The following ZC4H2 variants were observed in gnomAD, a reference collection of about 807,000 sequenced individuals.
ZC4H2 encodes the protein zinc finger C4H2 domain-containing protein.
For missense variants in ZC4H2, 137 were observed against 173.9 expected, an observed-to-expected ratio of 0.79 and a Z score of 1.19; for synonymous variants, 84 against 66.3, an observed-to-expected ratio of 1.27 and a Z score of -1.30.
chrX:64,955,260 T>C (rs1316330371), intron 1 of ZC4H2, among the ~76,000 whole-genome samples: 1 of 111,838 alleles, frequency 8.9e-6, no homozygotes, highest in African/African-American at 3.2e-5. Context: ...TTCATTCAGT[T>C]GTCATTTTCA....
At chrX:64,993,199 G>C (rs1465243376) in intron 1 of ZC4H2, among the ~76,000 whole-genome samples, 2 of 112,101 alleles carry the variant, frequency 1.8e-5, no homozygotes, top group Admixed American at 9.4e-5. Context: ...TTTATATAAA[G>C]TTCAAATTTA....
At chrX:64,975,902 G>T (rs1931931418) in intron 1 of ZC4H2, among the ~76,000 whole-genome samples, 1 of 111,285 alleles carries the variant, frequency 9.0e-6, no homozygotes, top group Non-Finnish European at 1.9e-5. Context: ...CACCAGCCCC[G>T]ATGCGCTAGA....
chrX:65,023,398 A>C (rs1181505071), intron 1 of ZC4H2, among the ~76,000 whole-genome samples: 2 of 111,780 alleles, frequency 1.8e-5, no homozygotes, highest in Non-Finnish European at 3.8e-5. Context: ...ACTATGTTAA[A>C]TAGGAGTGGT....
At chrX:65,026,881 AT>A (rs1932885066) in intron 1 of ZC4H2, among the ~76,000 whole-genome samples, 1 of 111,952 alleles carries the variant, frequency 8.9e-6, no homozygotes, top group Non-Finnish European at 1.9e-5. Context: ...CTCATCTTTT[AT>A]AGCAGACCAG....
At chrX:64,927,015 C>T (rs1214829885) in intron 1 of ZC4H2, among the ~76,000 whole-genome samples, 1 of 111,802 alleles carries the variant, frequency 8.9e-6, no homozygotes, top group African/African-American at 3.3e-5. Context: ...AGTATTTCCG[C>T]AGACATGTGG....
At chrX:64,952,960 G>C (rs1183645309) in intron 1 of ZC4H2, among the ~76,000 whole-genome samples, 1 of 111,601 alleles carries the variant, frequency 9.0e-6, no homozygotes, top group East Asian at 2.8e-4. Context: ...CATGGTACTG[G>C]TACCAAAACA....
At chrX:64,962,071 C>A (rs2147404786) in intron 1 of ZC4H2, among the ~76,000 whole-genome samples, 1 of 111,554 alleles carries the variant, frequency 9.0e-6, no homozygotes, top group African/African-American at 3.2e-5. Context: ...ATGAGCCTAG[C>A]ACTACCCTAA....
intron 1 of ZC4H2, among the ~76,000 whole-genome samples, chrX:65,003,571 T>C (rs765423178): frequency 5.4e-5 from 6 of 110,922 alleles, no homozygotes; most frequent in Non-Finnish European, 1.1e-4. Context: ...AAGAATGAAA[T>C]AGACATGATA....
chrX:64,930,107 CTTA>C (rs777552998), intron 1 of ZC4H2, among the ~76,000 whole-genome samples: 6 of 110,344 alleles, frequency 5.4e-5, no homozygotes, highest in African/African-American at 2.0e-4. Context: ...TTCTAAATAT[CTTA>C]TTATTATTAT....
At chrX:65,003,616 G>A (rs1208840271) in intron 1 of ZC4H2, among the ~76,000 whole-genome samples, 2 of 111,534 alleles carry the variant, frequency 1.8e-5, no homozygotes, top group Admixed American at 9.5e-5. Context: ...GGTGGCTCAT[G>A]CCTGTAATCC....
chrX:64,961,636 G>T (rs928217911), intron 1 of ZC4H2, among the ~76,000 whole-genome samples: 25 of 103,661 alleles, frequency 2.4e-4, no homozygotes, highest in Non-Finnish European at 5.0e-4. Context: ...CAACTAAGAG[G>T]GTTTTTTTTG....
At chrX:64,988,183 C>T (rs991559827) in intron 1 of ZC4H2, among the ~76,000 whole-genome samples, 3 of 109,967 alleles carry the variant, frequency 2.7e-5, no homozygotes, top group African/African-American at 6.6e-5. Context: ...TGAATAGTGC[C>T]GCAATAAACA....
chrX:64,990,404 A>G (rs780633128), intron 1 of ZC4H2, among the ~76,000 whole-genome samples: 12 of 111,116 alleles, frequency 1.1e-4, no homozygotes, highest in African/African-American at 3.9e-4. Flanking sequence ...AAAGGGCAAT[A>G]TGAGGGTTCC....
At chrX:64,945,006 T>C in intron 1 of ZC4H2, among the ~76,000 whole-genome samples, 1 of 112,578 alleles carries the variant, frequency 8.9e-6, no homozygotes, top group Non-Finnish European at 1.9e-5. Flanking sequence ...CTTAGCTTCC[T>C]TGCATTGGGT....
At chrX:64,972,230 C>T (rs756085828) in intron 1 of ZC4H2, among the ~76,000 whole-genome samples, 1 of 111,286 alleles carries the variant, frequency 9.0e-6, no homozygotes, top group African/African-American at 3.3e-5. Flanking sequence ...GGAGGAAAGA[C>T]AGGGGTAGGC....
At chrX:65,002,745 T>C (rs1281263544) in intron 1 of ZC4H2, among the ~76,000 whole-genome samples, 13 of 110,445 alleles carry the variant, frequency 1.2e-4, no homozygotes, top group African/African-American at 4.3e-4. Flanking sequence ...ATGCTGTTGA[T>C]CTATGACCTT....
intron 1 of ZC4H2, among the ~76,000 whole-genome samples, chrX:64,984,272 C>A (rs1210495520): frequency 8.9e-6 from 1 of 111,956 alleles, no homozygotes; most frequent in Non-Finnish European, 1.9e-5. Flanking sequence ...CCCAGAAAAG[C>A]CAATGCATTG....
intron 1 of ZC4H2, among the ~76,000 whole-genome samples, chrX:65,023,799 G>A (rs1159561310): frequency 2.7e-5 from 3 of 111,329 alleles, no homozygotes; most frequent in Admixed American, 9.5e-5. Context: ...ATAAAGACAC[G>A]TGCATACATA....
intron 1 of ZC4H2, among the ~76,000 whole-genome samples, chrX:64,923,954 G>A: frequency 8.9e-6 from 1 of 111,843 alleles, no homozygotes; most frequent in Admixed American, 9.5e-5. Flanking sequence ...CAACTGTCTT[G>A]CAGAGGGAAG....
Sources: gnomAD v4.1 joint callset for allele counts (sites outside exome capture counted in the v4.1 genomes callset) on GRCh38, gnomAD v4.1.1 for gene constraint, MANE v1.5 for transcripts, NCBI Gene and HGNC (gene_info 2026-07-23, HGNC 2026-07-21) for gene names.